The following EPHA5 variants were observed in gnomAD, a reference collection of about 807,000 sequenced individuals.
EPHA5 encodes ephrin type-A receptor 5.
Under a neutral mutation model 105.0 loss-of-function variants are expected in EPHA5, and 60 were observed. That is an observed-to-expected ratio of 0.57 (90% CI 0.46 to 0.71). EPHA5 has a LOEUF of 0.71. Ranked by LOEUF, EPHA5 falls within the 30% of genes least tolerant of loss-of-function variation. EPHA5 has a pLI of 0.00. For missense variants in EPHA5, 1,218 were observed against 1,274.7 expected, an observed-to-expected ratio of 0.96 and a Z score of 0.68; for synonymous variants, 513 against 449.1, an observed-to-expected ratio of 1.14 and a Z score of -1.80.
chr4:65,639,632 T>A (rs1008539619), intron 2 of EPHA5, among the ~76,000 whole-genome samples: 1 of 152,194 alleles, frequency 6.6e-6, no homozygotes, highest in African/African-American at 2.4e-5. Context: ...TGTTTCCTCA[T>A]CAAATTTGGG....
intron 3 of EPHA5, among the ~76,000 whole-genome samples, chr4:65,572,369 T>A (rs1033908183): frequency 2.0e-5 from 3 of 152,202 alleles, no homozygotes; most frequent in African/African-American, 7.2e-5. Context: ...TATCACTTAC[T>A]CTCCAACGCA....
chr4:65,344,063 G>A (rs1053352091), intron 14 of EPHA5, among the ~76,000 whole-genome samples: 4 of 152,106 alleles, frequency 2.6e-5, no homozygotes, highest in Admixed American at 2.6e-4. Context: ...TGTTAAAGAA[G>A]TGATTAAGCA....
chr4:65,363,966 G>T (rs185706948), intron 11 of EPHA5, among the ~76,000 whole-genome samples: 53 of 151,368 alleles, frequency 3.5e-4, no homozygotes, highest in African/African-American at 1.1e-3. Context: ...TTAAAAAAAT[G>T]CTGTTTCCTC....
At chr4:65,653,509 GA>G in intron 1 of EPHA5, among the ~76,000 whole-genome samples, 1 of 151,956 alleles carries the variant, frequency 6.6e-6, no homozygotes, top group African/African-American at 2.4e-5. Flanking sequence ...TTAGTACTCA[GA>G]ACTAATTATC....
chr4:65,481,077 T>C (rs923175644), intron 5 of EPHA5, among the ~76,000 whole-genome samples: 33 of 152,188 alleles, frequency 2.2e-4, no homozygotes, highest in African/African-American at 8.0e-4. Context: ...TTGAAGATTA[T>C]ATTTTTGGTG....
At chr4:65,400,552 T>C (rs926564540) in intron 8 of EPHA5, among the ~76,000 whole-genome samples, 1 of 152,138 alleles carries the variant, frequency 6.6e-6, no homozygotes, top group African/African-American at 2.4e-5. Context: ...AGATGGATAC[T>C]TTACATTATT....
At chr4:65,463,117 A>G (rs1728280709) in intron 5 of EPHA5, among the ~76,000 whole-genome samples, 1 of 152,178 alleles carries the variant, frequency 6.6e-6, no homozygotes, top group African/African-American at 2.4e-5. Flanking sequence ...TGTATCAATA[A>G]CATCTTTTTT....
At chr4:65,409,613 A>C (rs1722728346) in intron 7 of EPHA5, among the ~76,000 whole-genome samples, 1 of 152,170 alleles carries the variant, frequency 6.6e-6, no homozygotes, top group African/African-American at 2.4e-5. Context: ...AGGTTAAAAT[A>C]ATTGCAAGAG....
At chr4:65,380,708 A>G (rs1378360278) in intron 8 of EPHA5, among the ~76,000 whole-genome samples, 2 of 151,770 alleles carry the variant, frequency 1.3e-5, no homozygotes, top group Non-Finnish European at 2.9e-5. Flanking sequence ...AGGCTGCATA[A>G]TTTTCCTATT....
At chr4:65,570,602 AAGG>A (rs1740030341) in intron 3 of EPHA5, among the ~76,000 whole-genome samples, 1 of 151,946 alleles carries the variant, frequency 6.6e-6, no homozygotes, top group East Asian at 1.9e-4. Flanking sequence ...AGGATAAAAA[AAGG>A]TCATGATTAT....
intron 1 of EPHA5, among the ~76,000 whole-genome samples, chr4:65,659,227 AT>A (rs1369874533): frequency 1.3e-4 from 19 of 148,076 alleles, no homozygotes; most frequent in African/African-American, 4.7e-4. Context: ...TAAACAATTT[AT>A]TAATAGGATT....
chr4:65,352,184 A>G (rs1722881862), intron 12 of EPHA5, among the ~76,000 whole-genome samples: 1 of 152,042 alleles, frequency 6.6e-6, no homozygotes, highest in African/African-American at 2.4e-5. Context: ...ACTCTAAGAG[A>G]CTGGAGTACT....
intron 5 of EPHA5, among the ~76,000 whole-genome samples, chr4:65,424,723 C>G (rs568646648): frequency 6.6e-6 from 1 of 152,186 alleles, no homozygotes; most frequent in East Asian, 1.9e-4. Context: ...AAAGTGCTTA[C>G]ACAGATGAGA....
At chr4:65,604,435 A>G (rs941391790) in intron 2 of EPHA5, among the ~76,000 whole-genome samples, 2 of 152,112 alleles carry the variant, frequency 1.3e-5, no homozygotes, top group Non-Finnish European at 2.9e-5. Context: ...GATTTTATTT[A>G]TTTTTCTTTT....
intron 7 of EPHA5, 144 bp from the exon 8 acceptor site, chr4:65,404,623 A>T (rs897551409): frequency 3.3e-5 from 21 of 634,248 alleles, no homozygotes; most frequent in Non-Finnish European, 5.7e-5. Flanking sequence ...ATCCTTTCTT[A>T]AAAGTGTGTA....
chr4:65,592,189 C>G (rs1180379961), intron 3 of EPHA5, among the ~76,000 whole-genome samples: 3 of 152,112 alleles, frequency 2.0e-5, no homozygotes, highest in African/African-American at 7.2e-5. Context: ...CTAAGTATAA[C>G]AGCTTGACGT....
chr4:65,595,258 T>C (rs1468544072), intron 3 of EPHA5, among the ~76,000 whole-genome samples: 1 of 152,060 alleles, frequency 6.6e-6, no homozygotes, highest in East Asian at 1.9e-4. Context: ...TCTATATGCA[T>C]GTTTGTATGT....
chr4:65,558,123 C>A (rs1738640904), intron 3 of EPHA5, among the ~76,000 whole-genome samples: 1 of 152,038 alleles, frequency 6.6e-6, no homozygotes, highest in Non-Finnish European at 1.5e-5. Flanking sequence ...GTGATCTGCC[C>A]ACCTCAACCT....
intron 1 of EPHA5, among the ~76,000 whole-genome samples, chr4:65,652,864 G>A (rs537833687): frequency 6.6e-6 from 1 of 152,110 alleles, no homozygotes; most frequent in South Asian, 2.1e-4. Flanking sequence ...GAAAGCAAAT[G>A]AGAAAGCAAC....
Sources: allele counts gnomAD v4.1 joint callset (sites outside exome capture counted in the v4.1 genomes callset), GRCh38; gene constraint gnomAD v4.1.1; transcripts MANE v1.5; gene names NCBI Gene and HGNC (gene_info 2026-07-23, HGNC 2026-07-21).